DDAH1: variants seen among roughly 807,000 people sequenced by gnomAD.
DDAH1 encodes dimethylarginine dimethylaminohydrolase 1.
Under a neutral mutation model 28.8 loss-of-function variants are expected in DDAH1, and 19 were observed. That is an observed-to-expected ratio of 0.66 (90% confidence interval 0.46 to 0.97). The LOEUF is 0.97. Ranked by LOEUF, DDAH1 falls within the 50% of genes least tolerant of loss-of-function variation. The probability of loss-of-function intolerance (pLI) is 0.00; values close to 1 mark genes in which losing one functional copy is unlikely to be tolerated. For missense variants in DDAH1, 326 were observed against 375.9 expected (o/e 0.87, Z 1.10); for synonymous variants, 153 against 154.4 (o/e 0.99, Z 0.07).
intron 1 of DDAH1, among the ~76,000 whole-genome samples, chr1:85,428,930 T>A (rs1027534243): frequency 1.3e-5 from 2 of 151,980 alleles, no homozygotes; most frequent in African/African-American, 4.8e-5. Context: ...CAAGCCAAGG[T>A]GGCAATTGTT....
chr1:85,427,083 A>G (rs919680554), intron 1 of DDAH1, among the ~76,000 whole-genome samples: 2 of 152,130 alleles, frequency 1.3e-5, no homozygotes, highest in African/African-American at 4.8e-5. Flanking sequence ...AGTGACTTCC[A>G]CAGGATCATA....
At chr1:85,527,141 T>C (rs1283767777) in intron 1 of DDAH1, among the ~76,000 whole-genome samples, 1 of 152,218 alleles carries the variant, frequency 6.6e-6, no homozygotes, top group Non-Finnish European at 1.5e-5. Flanking sequence ...AACCTATGTG[T>C]AGCTTCACTG....
intron 1 of DDAH1, among the ~76,000 whole-genome samples, chr1:85,375,706 A>C (rs1478652164): frequency 2.6e-5 from 4 of 152,190 alleles, no homozygotes; most frequent in African/African-American, 9.6e-5. Context: ...AAGGTTGCCC[A>C]GAATTCAAAG....
intron 1 of DDAH1, among the ~76,000 whole-genome samples, chr1:85,402,853 G>A (rs950120000): frequency 1.5e-4 from 22 of 149,174 alleles, no homozygotes; most frequent in Non-Finnish European, 2.5e-4. Context: ...AGCTTGCAGT[G>A]AGCCGAGATA....
chr1:85,406,859 A>C (rs1186631083), intron 1 of DDAH1, among the ~76,000 whole-genome samples: 1 of 152,126 alleles, frequency 6.6e-6, no homozygotes, highest in African/African-American at 2.4e-5. Flanking sequence ...AAAAACTATT[A>C]TATTAAAGCT....
At chr1:85,501,752 G>A (rs1238618271) in intron 1 of DDAH1, among the ~76,000 whole-genome samples, 4 of 152,056 alleles carry the variant, frequency 2.6e-5, no homozygotes, top group South Asian at 2.1e-4. Context: ...GAATTTCAAC[G>A]TCTGAAAACA....
intron 1 of DDAH1, among the ~76,000 whole-genome samples, chr1:85,372,035 CT>C (rs1303486757): frequency 6.6e-6 from 1 of 151,848 alleles, no homozygotes; most frequent in East Asian, 1.9e-4. Flanking sequence ...TAGTCCTTAG[CT>C]TTTTTGTGTG....
At chr1:85,512,247 A>G (rs1211246517) in intron 1 of DDAH1, among the ~76,000 whole-genome samples, 2 of 152,168 alleles carry the variant, frequency 1.3e-5, no homozygotes, top group African/African-American at 2.4e-5. Context: ...AAAGACAAAA[A>G]CCACATGATT....
chr1:85,404,297 G>T, intron 1 of DDAH1: 1 of 1,391,574 alleles, frequency 7.2e-7, no homozygotes, highest in Non-Finnish European at 9.8e-7. Flanking sequence ...CATTATACAT[G>T]AAACTTCTGC....
chr1:85,509,958 G>A (rs1657166505), intron 1 of DDAH1, among the ~76,000 whole-genome samples: 1 of 152,140 alleles, frequency 6.6e-6, no homozygotes, highest in Non-Finnish European at 1.5e-5. Flanking sequence ...AGCAAGGCAG[G>A]CCAACATTCA....
intron 1 of DDAH1, among the ~76,000 whole-genome samples, chr1:85,408,212 C>T (rs1327075594): frequency 2.6e-5 from 4 of 152,076 alleles, no homozygotes; most frequent in Non-Finnish European, 5.9e-5. Context: ...GAGCATGGAA[C>T]GTTCTGCCTT....
intron 1 of DDAH1, among the ~76,000 whole-genome samples, chr1:85,572,218 CA>C (rs1453490153): frequency 1.3e-5 from 2 of 152,076 alleles, no homozygotes; most frequent in African/African-American, 4.8e-5. Flanking sequence ...AACCCTTTTT[CA>C]TTGTTTAACT....
At chr1:85,333,437 C>T (rs1332377601) in intron 4 of DDAH1, among the ~76,000 whole-genome samples, 5 of 152,082 alleles carry the variant, frequency 3.3e-5, no homozygotes, top group Non-Finnish European at 7.4e-5. Context: ...GGAAATATGA[C>T]ACTTCCAAAG....
At chr1:85,531,045 C>T (rs1658076820) in intron 1 of DDAH1, among the ~76,000 whole-genome samples, 2 of 139,652 alleles carry the variant, frequency 1.4e-5, no homozygotes, top group African/African-American at 2.6e-5. Flanking sequence ...TATATATTAG[C>T]GTATCAAAGA....
At chr1:85,475,531 T>C (rs560204053) in intron 2 of DDAH1, among the ~76,000 whole-genome samples, 1 of 152,358 alleles carries the variant, frequency 6.6e-6, no homozygotes, top group South Asian at 2.1e-4. Flanking sequence ...ATATTAAATT[T>C]TGGTAAGAAT....
intron 1 of DDAH1, among the ~76,000 whole-genome samples, chr1:85,552,183 T>C (rs959821768): frequency 1.3e-5 from 2 of 152,242 alleles, no homozygotes; most frequent in African/African-American, 4.8e-5. Context: ...GTTTCTTTTA[T>C]AGACCAGAAG....
At chr1:85,405,169 TAGCA>T (rs1274344894) in intron 1 of DDAH1, among the ~76,000 whole-genome samples, 3 of 152,306 alleles carry the variant, frequency 2.0e-5, no homozygotes, top group Non-Finnish European at 4.4e-5. Context: ...GCAGACATGC[TAGCA>T]ATTCTCTTCA....
At chr1:85,428,895 G>A (rs1653537820) in intron 1 of DDAH1, among the ~76,000 whole-genome samples, 1 of 152,132 alleles carries the variant, frequency 6.6e-6, no homozygotes, top group Non-Finnish European at 1.5e-5. Context: ...CATATGGCCA[G>A]AGGAAGCAAC....
intron 4 of DDAH1, among the ~76,000 whole-genome samples, chr1:85,345,011 A>ATATT (rs2100830533): frequency 6.6e-6 from 1 of 152,348 alleles, no homozygotes; most frequent in African/African-American, 2.4e-5. Flanking sequence ...TGTAACATAT[A>ATATT]TATTTTTCCT....
Sources: gnomAD v4.1 joint callset for allele counts (sites outside exome capture counted in the v4.1 genomes callset) on GRCh38, gnomAD v4.1.1 for gene constraint, MANE v1.5 for transcripts, NCBI Gene and HGNC (gene_info 2026-07-23, HGNC 2026-07-21) for gene names.